Variants in SORBS2 observed in about 807,000 individuals in gnomAD.
SORBS2 encodes sorbin and SH3 domain containing 2, also known as sorbin and SH3 domain-containing protein 2.
In SORBS2, 46 loss-of-function variants were observed where a neutral mutation model predicts 97.7. The ratio of observed to expected loss-of-function variants is 0.47; its 90% CI spans 0.37 to 0.60. The LOEUF (loss-of-function observed/expected upper bound fraction) is 0.60. Ranked by LOEUF, SORBS2 falls within the 20% of genes least tolerant of loss-of-function variation. SORBS2 has a pLI of 0.00. For synonymous variants in SORBS2, 476 were observed against 473.4 expected (o/e 1.01, Z -0.07); for missense variants, 1,316 against 1,282.3 (o/e 1.03, Z -0.40).
At chr4:185,731,203 C>G (rs1239587184) in intron 2 of SORBS2, among the ~76,000 whole-genome samples, 1 of 152,178 alleles carries the variant, frequency 6.6e-6, no homozygotes, top group African/African-American at 2.4e-5. Context: ...GGCTGTAAGG[C>G]TGCCCACCTG....
At chr4:185,944,693 A>G (rs1327164936) in intron 1 of SORBS2, among the ~76,000 whole-genome samples, 2 of 152,238 alleles carry the variant, frequency 1.3e-5, no homozygotes, top group Non-Finnish European at 2.9e-5. Context: ...GCAGATACTC[A>G]TGAGACAAGC....
chr4:185,917,410 T>C (rs1475818985), intron 1 of SORBS2, among the ~76,000 whole-genome samples: 2 of 152,152 alleles, frequency 1.3e-5, no homozygotes, highest in African/African-American at 2.4e-5. Flanking sequence ...GTGTTTTTTA[T>C]AGAGACAAGG....
At chr4:185,625,580 C>G (rs1041520362) in intron 6 of SORBS2, among the ~76,000 whole-genome samples, 9 of 152,176 alleles carry the variant, frequency 5.9e-5, no homozygotes, top group East Asian at 5.8e-4. Flanking sequence ...TTATCAGAAC[C>G]CTTTTAACTT....
chr4:185,829,599 A>G (rs904445), intron 1 of SORBS2, among the ~76,000 whole-genome samples: 149,987 of 152,228 alleles, frequency 0.99, 73,932 homozygotes, highest in Middle Eastern at 1. Context: ...CCAAGAGATG[A>G]CATTAAAGGA....
chr4:185,848,618 C>CTTTT lies in SORBS2; in HGVS notation c.-337-73256_-337-73253dup, dbSNP rs537195530. 1.4e-3 allele frequency among the ~76,000 whole-genome samples: 104 copies of CTTTT among 75,626 alleles called. 9 individuals carry two copies. The highest frequency in any genetic ancestry group is 4.9e-3 in the African/African-American group (85 of 17,232). The allele number at this position is 75,626 out of a possible 152,430, so 49.6% of individuals were successfully genotyped here. ...TTAAATGTTCTTTATAAGGATATCT[C>CTTTT]TTTTTTTTTTTTTTTTTTTTTTTTT... On this transcript the variant is annotated intron_variant, in intron 1 of 20. Coordinates refer to the SORBS2 transcript ENST00000284776.
At chr4:185,829,970 C>T (rs567530136) in intron 1 of SORBS2, among the ~76,000 whole-genome samples, 75 of 152,202 alleles carry the variant, frequency 4.9e-4, no homozygotes, top group African/African-American at 1.7e-3. Context: ...GGAAGGATAC[C>T]TAACACTCCT....
chr4:185,767,315 ACG>A (rs1477791640), intron 2 of SORBS2, among the ~76,000 whole-genome samples: 7 of 138,092 alleles, frequency 5.1e-5, no homozygotes, highest in South Asian at 2.4e-4. Context: ...TGGCTAACAC[ACG>A]GTGAAACCCC....
chr4:185,767,731 T>G (rs2098944886), intron 2 of SORBS2, among the ~76,000 whole-genome samples: 2 of 152,272 alleles, frequency 1.3e-5, no homozygotes, highest in East Asian at 3.9e-4. Context: ...TTTCAAGTGC[T>G]CTCGTCTTTG....
chr4:185,723,264 C>T (rs2098530279), intron 2 of SORBS2, among the ~76,000 whole-genome samples: 1 of 152,190 alleles, frequency 6.6e-6, no homozygotes, highest in Admixed American at 6.5e-5. Context: ...AGCATGGTGG[C>T]AACTTCGCTG....
At chr4:185,654,281 G>A (rs2097360817) in intron 1 of SORBS2, among the ~76,000 whole-genome samples, 1 of 152,184 alleles carries the variant, frequency 6.6e-6, no homozygotes, top group African/African-American at 2.4e-5. Flanking sequence ...TGCTAAACAT[G>A]TATCTTTCAA....
rs7663605 is a variant in SORBS2 at position 185,649,544 on chromosome 4, C to T, written c.204G>A (p.Ala68=). The change falls in exon 3 of 15, where the codon GCG becomes GCA. Residue 68 remains alanine (A), a synonymous_variant. Transcript: ENST00000418609. ...CATGTGGGGGAGGCACTGGGGAGGACGCATCCTTAAAGGCATTGGGGCTGT... is the reference window on the plus strand; with the variant it reads ...CATGTGGGGGAGGCACTGGGGAGGATGCATCCTTAAAGGCATTGGGGCTGT... The T allele has an allele frequency of 0.011, 17,581 of 1,604,502 alleles. 1,643 individuals are homozygous for T. In the African/African-American group the frequency reaches 0.21, roughly 19 times the overall value.
intron 2 of SORBS2, among the ~76,000 whole-genome samples, chr4:185,730,277 C>A (rs2098605716): frequency 9.7e-6 from 1 of 102,922 alleles, no homozygotes; most frequent in African/African-American, 3.2e-5. Flanking sequence ...AAGTGTAATT[C>A]TAATTTTTTT....
At chr4:185,909,889 CA>C (rs2099253921) in intron 1 of SORBS2, among the ~76,000 whole-genome samples, 1 of 149,256 alleles carries the variant, frequency 6.7e-6, no homozygotes. Context: ...GAGGATGAGG[CA>C]GGAGAATTGC....
At chr4:185,789,253 TATG>T (rs2153644508) in intron 1 of SORBS2, among the ~76,000 whole-genome samples, 1 of 152,324 alleles carries the variant, frequency 6.6e-6, no homozygotes, top group African/African-American at 2.4e-5. Context: ...TTGAGATTAA[TATG>T]ATATTTCCAT....
At chr4:185,652,721 T>C in exon 2 of SORBS2, 1 of 1,613,978 alleles carries the variant, frequency 6.2e-7, no homozygotes, top group Non-Finnish European at 8.5e-7. Context: ...CTTGGGCCGG[T>C]CGACTGTCTG....
chr4:185,905,067 G>A (rs2099249960), intron 1 of SORBS2, among the ~76,000 whole-genome samples: 1 of 151,680 alleles, frequency 6.6e-6, no homozygotes, highest in African/African-American at 2.4e-5. Flanking sequence ...TTGCACCACT[G>A]CACTCCAGCC....
At chr4:185,910,894 C>T (rs2099254616) in intron 1 of SORBS2, among the ~76,000 whole-genome samples, 1 of 151,906 alleles carries the variant, frequency 6.6e-6, no homozygotes, top group South Asian at 2.1e-4. Context: ...CCCTTCCAGA[C>T]TTTTCTCAGG....
At chr4:185,756,711 T>C (rs1324822408) in intron 2 of SORBS2, among the ~76,000 whole-genome samples, 1 of 135,138 alleles carries the variant, frequency 7.4e-6, no homozygotes, top group Non-Finnish European at 1.6e-5. Flanking sequence ...TACAGCCAAC[T>C]GTTAAAGCTT....
chr4:185,831,923 G>GC (rs1368156923), intron 1 of SORBS2, among the ~76,000 whole-genome samples: 1 of 152,210 alleles, frequency 6.6e-6, no homozygotes, highest in Admixed American at 6.5e-5. Flanking sequence ...AATGGTGAAA[G>GC]ATTAAATGAA....
Sources: allele counts gnomAD v4.1 joint callset (sites outside exome capture counted in the v4.1 genomes callset), GRCh38; gene constraint gnomAD v4.1.1; transcripts MANE v1.5; gene names NCBI Gene and HGNC (gene_info 2026-07-23, HGNC 2026-07-21).